The following GET1 variants were observed in gnomAD, a reference collection of about 807,000 sequenced individuals.
GET1 encodes congenital heart disease 5 protein.
In GET1, 20 loss-of-function variants were observed where a neutral mutation model predicts 22.6. The observed-to-expected ratio is 0.89, with a 90% CI of 0.62 to 1.29. GET1 has a LOEUF of 1.29. Ranked by LOEUF, GET1 falls within the 50% of genes most tolerant of loss-of-function variation. The pLI, the probability that GET1 is intolerant of heterozygous loss-of-function variation, is 0.00. For missense variants in GET1, 209 were observed against 219.9 expected, an observed-to-expected ratio of 0.95 and a Z score of 0.31; for synonymous variants, 92 against 83.8, an observed-to-expected ratio of 1.10 and a Z score of -0.53.
chr21:39,381,844 C>T (rs2037572682), intron 1 of GET1, among the ~76,000 whole-genome samples: 1 of 151,810 alleles, frequency 6.6e-6, no homozygotes, highest in Non-Finnish European at 1.5e-5. Context: ...TTCAAGTGAT[C>T]CTCCCACCTC....
chr21:39,390,986 G>A, intron 2 of GET1, 123 bp downstream of exon 2: 1 of 1,111,558 alleles, frequency 9.0e-7, no homozygotes, highest in South Asian at 1.7e-5. Context: ...GGAAACTTAA[G>A]TTATCTGGAG....
intron 1 of GET1, among the ~76,000 whole-genome samples, chr21:39,418,934 C>A (rs2041788286): frequency 6.6e-6 from 1 of 152,150 alleles, no homozygotes; most frequent in Non-Finnish European, 1.5e-5. Context: ...ATCTTGAAGT[C>A]TCTTCTGTTA....
At chr21:39,421,351 G>T (rs1196844611) in intron 1 of GET1, among the ~76,000 whole-genome samples, 1 of 152,108 alleles carries the variant, frequency 6.6e-6, no homozygotes. Context: ...GCCTCCCAAA[G>T]TGCTGGTATT....
intron 1 of GET1, chr21:39,422,404 T>C (rs1219823494): frequency 6.6e-6 from 1 of 152,494 alleles, no homozygotes; most frequent in Non-Finnish European, 1.5e-5. Context: ...GGAAAATCAA[T>C]CCAGTCATCT....
At chr21:39,399,432 G>T (rs889268051), downstream of GET1, among the ~76,000 whole-genome samples, 1 of 151,484 alleles carries the variant, frequency 6.6e-6, no homozygotes, top group African/African-American at 2.4e-5. Flanking sequence ...GTAATGATAG[G>T]TTTATTTTTT....
At chr21:39,405,848 A>G in intron 4 of GET1, 2 of 1,449,648 alleles carry the variant, frequency 1.4e-6, no homozygotes, top group Non-Finnish European at 1.9e-6. Flanking sequence ...GCAGCATTAT[A>G]TCAAACCAGA....
downstream of GET1, among the ~76,000 whole-genome samples, chr21:39,402,837 A>C (rs1297218025): frequency 9.7e-6 from 1 of 103,584 alleles, no homozygotes; most frequent in East Asian, 3.0e-4. Context: ...GTAAATTAAA[A>C]ATTGGCCCCA....
chr21:39,420,704 AC>A, intron 1 of GET1: 1 of 1,608,808 alleles, frequency 6.2e-7, no homozygotes, highest in Non-Finnish European at 8.5e-7. Flanking sequence ...TAAAAGAAAT[AC>A]CTTAAGTTTT....
chr21:39,387,835 T>C, intron 1 of GET1: 7 of 984,456 alleles, frequency 7.1e-6, no homozygotes, highest in Non-Finnish European at 8.4e-6. Context: ...GTCCCTACTG[T>C]GCGGCAGGCG....
At chr21:39,380,747 A>G (rs2037505521) in intron 1 of GET1, 2 of 1,192,132 alleles carry the variant, frequency 1.7e-6, no homozygotes, top group Non-Finnish European at 2.1e-6. Context: ...GCGGCGGCGA[A>G]CCTCACACTG....
chr21:39,410,534 A>C (rs150931664), downstream of GET1, among the ~76,000 whole-genome samples: 111 of 152,250 alleles, frequency 7.3e-4, no homozygotes, highest in African/African-American at 2.6e-3. Context: ...TTTTCCCTCC[A>C]GGGCCCTTGC....
At chr21:39,382,989 T>C (rs1234483288) in intron 1 of GET1, among the ~76,000 whole-genome samples, 7 of 152,060 alleles carry the variant, frequency 4.6e-5, no homozygotes, top group Admixed American at 2.0e-4. Context: ...CTTGCTCCGT[T>C]GCCCAGGCTG....
chr21:39,422,083 T>C (rs938989653), intron 1 of GET1: 1 of 152,254 alleles, frequency 6.6e-6, no homozygotes, highest in Non-Finnish European at 1.5e-5. Flanking sequence ...GTAGATCACA[T>C]ATTAATTTCA....
chr21:39,406,701 G>T, downstream of GET1: 2 of 950,588 alleles, frequency 2.1e-6, no homozygotes, highest in Non-Finnish European at 3.2e-6. Flanking sequence ...TACGTGCACC[G>T]CCTCACAAGC....
At chr21:39,398,219 A>C (rs2147015242), downstream of GET1, among the ~76,000 whole-genome samples, 1 of 152,268 alleles carries the variant, frequency 6.6e-6, no homozygotes, top group East Asian at 1.9e-4. Context: ...CAACCTGGGG[A>C]GGAGATGAGA....
In GET1 at chr21:39,428,385, C is replaced by T. The variant is rs374126526; in HGVS notation, c.*177C>T. ...GAAGCATTACTGTTCCGTGAAAAAT[C>T]GCCTGTGCCTGGGCTTCTCTTGCAT... is the stretch of plus-strand genomic sequence containing the variant. On this transcript the variant is annotated 3_prime_UTR_variant, in exon 2 of 2. Transcript: ENST00000478273. 29 of 1,613,172 alleles carry T rather than the reference C, an allele frequency of 1.8e-5. No homozygotes were observed. Among genetic ancestry groups the T allele is most frequent in the Middle Eastern group, 1.6e-4 (1 of 6,082 alleles).
At chr21:39,402,228 C>T (rs545511483), downstream of GET1, among the ~76,000 whole-genome samples, 159 of 152,164 alleles carry the variant, frequency 1.0e-3, 1 homozygote, top group African/African-American at 3.5e-3. Context: ...CTCAGCCTCC[C>T]GAGTAGCTGG....
chr21:39,422,790 TTC>T (rs2073986468), intron 1 of GET1: 2 of 603,894 alleles, frequency 3.3e-6, no homozygotes, highest in Admixed American at 3.4e-5. Context: ...TTTGAGCTGC[TTC>T]TGTTTTTCCT....
intron 1 of GET1, among the ~76,000 whole-genome samples, chr21:39,382,938 C>T (rs1033392844): frequency 3.9e-5 from 6 of 151,936 alleles, no homozygotes; most frequent in African/African-American, 1.2e-4. Context: ...TTTATTTATT[C>T]TTTTTATTTT....
Sources: allele counts gnomAD v4.1 joint callset (sites outside exome capture counted in the v4.1 genomes callset), GRCh38; gene constraint gnomAD v4.1.1; transcripts MANE v1.5; gene names NCBI Gene and HGNC (gene_info 2026-07-23, HGNC 2026-07-21).